The following OR1F1 variants were observed in gnomAD, a reference collection of about 807,000 sequenced individuals.
OR1F1 encodes the protein olfactory receptor family 1 subfamily F member 1, also known as olfactory receptor 1F1.
For synonymous variants in OR1F1, 184 were observed against 156.7 expected (o/e 1.17, Z -1.30); for missense variants, 493 against 376.3 (o/e 1.31, Z -2.57).
the OR1F1 span, among the ~76,000 whole-genome samples, chr16:3,192,017 G>A: frequency 0.013 from 1,939 of 152,102 alleles, 39 homozygotes; most frequent in African/African-American, 0.043. Context: ...TATGATTCTC[G>A]CTTAGGATGC....
chr16:3,204,290 T>A lies in OR1F1; in HGVS notation c.44T>A (p.Leu15Gln), dbSNP rs181720197. ...TCGAGTGTCTCCGAGTTCCTCCTCC[T>A]GGGACTCTCCAGGCAGCCCCAGCAG... The change falls in exon 1 of 1, where the codon CTG (leucine) becomes CAG (glutamine). Residue 15 changes from leucine (L) to glutamine (Q), a missense_variant. Leu to Gln is a moderately radical substitution (Grantham distance 113, BLOSUM62 -2). Coordinates refer to ENST00000304646, the Ensembl canonical transcript of OR1F1. The A allele has an allele frequency of 3.1e-6, 5 of 1,613,694 alleles. No homozygotes were observed. In the African/African-American group the frequency reaches 5.3e-5, roughly 17 times the overall value.
chr16:3,206,190 G>A (rs566240073), downstream of OR1F1, among the ~76,000 whole-genome samples: 13 of 152,312 alleles, frequency 8.5e-5, no homozygotes, highest in South Asian at 4.1e-4. Context: ...GTCTCCTGCA[G>A]TACCCTCAGG....
chr16:3,204,950 G>A lies in OR1F1; in HGVS notation c.704G>A (p.Trp235Ter). ...AAGGTCCCATCCACAAAGGGAAGGT[G>A]GAAAGCCTTCTCCACCTGTGGTTCT... The change falls in exon 1 of 1, where the codon TGG becomes TAG. Residue 235 changes from tryptophan (W) to a stop codon, truncating the protein, a stop_gained. Transcript: ENST00000304646. LOFTEE classifies it low-confidence loss of function (END_TRUNC). The A allele has an allele frequency of 1.2e-6, 2 of 1,614,112 alleles. No individual in the cohort carries two copies. The highest frequency in any genetic ancestry group is 2.2e-5 in the East Asian group (1 of 44,884).
upstream of OR1F1, among the ~76,000 whole-genome samples, chr16:3,200,649 G>C (rs890226718): frequency 1.3e-5 from 2 of 152,150 alleles, no homozygotes; most frequent in Non-Finnish European, 2.9e-5. Flanking sequence ...ACCAGGAAAA[G>C]GTCAATTTGA....
chr16:3,193,981 A>T, the OR1F1 span, among the ~76,000 whole-genome samples: 1 of 152,164 alleles, frequency 6.6e-6, no homozygotes, highest in Non-Finnish European at 1.5e-5. Context: ...TTCGAGTTCC[A>T]CCTGGGGTAA....
At chr16:3,194,290 T>C in the OR1F1 span, among the ~76,000 whole-genome samples, 3 of 152,224 alleles carry the variant, frequency 2.0e-5, no homozygotes, top group African/African-American at 7.2e-5. Context: ...GTTTGTTTGG[T>C]TTGGTTTGTC....
At chr16:3,192,558 C>T in the OR1F1 span, among the ~76,000 whole-genome samples, 9 of 152,240 alleles carry the variant, frequency 5.9e-5, no homozygotes, top group Non-Finnish European at 1.3e-4. Context: ...TGAGCAGCTC[C>T]AACACTGCTG....
chr16:3,188,646 C>T, the OR1F1 span, among the ~76,000 whole-genome samples: 6 of 151,918 alleles, frequency 3.9e-5, no homozygotes, highest in Non-Finnish European at 1.5e-5. Context: ...GGCCCTTGTC[C>T]CCACCCCCAG....
chr16:3,197,255 GT>G, the OR1F1 span, among the ~76,000 whole-genome samples: 1 of 151,832 alleles, frequency 6.6e-6, no homozygotes, highest in Non-Finnish European at 1.5e-5. Context: ...TTGACCTCAG[GT>G]GGTCCACCTG....
chr16:3,193,186 A>C, the OR1F1 span, among the ~76,000 whole-genome samples: 2 of 152,122 alleles, frequency 1.3e-5, no homozygotes, highest in East Asian at 3.9e-4. Context: ...TTGGCCTCCC[A>C]AAGTGCTGAG....
the OR1F1 span, among the ~76,000 whole-genome samples, chr16:3,190,658 G>C: frequency 1.4e-4 from 21 of 151,124 alleles, no homozygotes; most frequent in African/African-American, 5.1e-4. Flanking sequence ...GGATGAGGCA[G>C]GAGAATCGCT....
Position 3,204,621 on chromosome 16 carries a change from C to T in OR1F1, c.375C>T (p.Ala125=), listed in dbSNP as rs772025480. 4.8e-5 allele frequency: 78 copies of T among 1,614,024 alleles called. 1 individual carries two copies. In the South Asian group the frequency reaches 6.7e-4, roughly 14 times the overall value. Residue 125 remains alanine, a synonymous_variant, in exon 1 of 1, where the codon GCC becomes GCT. Coordinates refer to ENST00000304646, the Ensembl canonical transcript of OR1F1. ...TGATGGCCTATGACCACTTTGTCGC[C>T]GTGTGCCACCCCTTACATTACACAG...
At chr16:3,202,263 A>G (rs1489014054), upstream of OR1F1, among the ~76,000 whole-genome samples, 3 of 152,204 alleles carry the variant, frequency 2.0e-5, no homozygotes, top group East Asian at 5.8e-4. Context: ...GAGGAGAGGT[A>G]ATCTGCAGAA....
the OR1F1 span, among the ~76,000 whole-genome samples, chr16:3,196,085 C>T: frequency 6.6e-6 from 1 of 152,232 alleles, no homozygotes; most frequent in Non-Finnish European, 1.5e-5. Flanking sequence ...GTGGCACTGC[C>T]TGATTCATCC....
chr16:3,194,055 G>A, the OR1F1 span, among the ~76,000 whole-genome samples: 1 of 152,138 alleles, frequency 6.6e-6, no homozygotes, highest in Non-Finnish European at 1.5e-5. Flanking sequence ...ACAAAGCATG[G>A]AGACACATAA....
upstream of OR1F1, among the ~76,000 whole-genome samples, chr16:3,202,066 T>C (rs894799915): frequency 6.6e-6 from 1 of 152,210 alleles, no homozygotes; most frequent in Non-Finnish European, 1.5e-5. Context: ...GGCTCGCCCT[T>C]GTATTCTTTC....
At chr16:3,197,730 G>A in the OR1F1 span, among the ~76,000 whole-genome samples, 23 of 132,778 alleles carry the variant, frequency 1.7e-4, no homozygotes, top group African/African-American at 6.1e-4. Context: ...AGAAGGAGAG[G>A]GAGAGGGAGA....
At chr16:3,195,464 G>A in the OR1F1 span, among the ~76,000 whole-genome samples, 1 of 152,058 alleles carries the variant, frequency 6.6e-6, no homozygotes, top group African/African-American at 2.4e-5. Flanking sequence ...GAGATTACCT[G>A]AGGTCAGGAG....
At chr16:3,204,592 G>C (rs1314981624) in exon 1 of OR1F1, 5 of 1,614,120 alleles carry the variant, frequency 3.1e-6, no homozygotes, top group Admixed American at 1.7e-5. Flanking sequence ...TTTCCTCCTA[G>C]CTGTGATGGC....
Sources: gnomAD v4.1 joint callset for allele counts (sites outside exome capture counted in the v4.1 genomes callset) on GRCh38, gnomAD v4.1.1 for gene constraint, MANE v1.5 for transcripts, NCBI Gene and HGNC (gene_info 2026-07-23, HGNC 2026-07-21) for gene names.